EZH1: variants seen among roughly 807,000 people sequenced by gnomAD.
EZH1 encodes histone-lysine N-methyltransferase EZH1.
Under a neutral mutation model 100.5 loss-of-function variants are expected in EZH1, and 33 were observed. That is an observed-to-expected ratio of 0.33 (90% CI 0.25 to 0.44). The LOEUF (loss-of-function observed/expected upper bound fraction) is 0.44, where lower values mean the gene tolerates loss of function less well. EZH1 is among the 20% of genes least tolerant of loss of function. EZH1 has a pLI of 1.00. For missense variants in EZH1, 475 were observed against 928.4 expected (o/e 0.51, Z 6.35); for synonymous variants, 272 against 313.8 (o/e 0.87, Z 1.41).
chr17:42,708,155 C>A (rs776976618), intron 14 of EZH1, 72 bp from the exon 15 acceptor site: 62 of 1,511,628 alleles, frequency 4.1e-5, no homozygotes, highest in Non-Finnish European at 5.5e-5. Flanking sequence ...AAGTGTCCAG[C>A]TGCCCTGATT....
intron 4 of EZH1, among the ~76,000 whole-genome samples, chr17:42,725,227 C>G (rs1239891288): frequency 6.6e-6 from 1 of 151,976 alleles, no homozygotes; most frequent in Non-Finnish European, 1.5e-5. Context: ...GTAACATCAT[C>G]TCCTAAAAGG....
rs536850024 is a variant in EZH1 at position 42,710,716 on chromosome 17, A to G, written c.1402-779T>C. ...GTGCCATCATAGCTCAATGTAGTAT[A>G]GAACTCCTGGGCTCAAGCCATCTTC... is the stretch of plus-strand genomic sequence containing the variant. On this transcript the variant is annotated intron_variant, in intron 12 of 20. Transcript: ENST00000428826. Among the ~76,000 whole-genome samples, 239 of 149,080 alleles carry G rather than the reference A, an allele frequency of 1.6e-3. 1 individual carries two copies. The highest frequency in any genetic ancestry group is 5.6e-3 in the African/African-American group (225 of 40,442).
Position 42,702,487 on chromosome 17 carries a change from A to C in EZH1, c.*45T>G. ...CAGCAGTGGTGTGAGCACGAAAGCCAAGACAGTGCCGCTACCATAAGTGCT... is the reference window on the plus strand; with the variant it reads ...CAGCAGTGGTGTGAGCACGAAAGCCCAGACAGTGCCGCTACCATAAGTGCT... On this transcript the variant is annotated 3_prime_UTR_variant, in exon 21 of 21. Transcript: ENST00000428826. The C allele has an allele frequency of 6.6e-7, 1 of 1,504,460 alleles. No individual in the cohort carries two copies. Among genetic ancestry groups the C allele is most frequent in the Non-Finnish European group, 9.0e-7 (1 of 1,107,620 alleles). 93.2% of individuals were successfully genotyped at this position (1,504,460 alleles called of 1,614,324 possible).
intron 14 of EZH1, among the ~76,000 whole-genome samples, chr17:42,708,528 G>GCA: frequency 6.6e-6 from 1 of 152,170 alleles, no homozygotes; most frequent in Non-Finnish European, 1.5e-5. Context: ...GGTGGTACAT[G>GCA]CCTGTAATCC....
intron 1 of EZH1, among the ~76,000 whole-genome samples, chr17:42,736,824 C>T (rs1310690195): frequency 6.6e-6 from 1 of 151,818 alleles, no homozygotes; most frequent in Non-Finnish European, 1.5e-5. Flanking sequence ...GCACTCCAGC[C>T]TGGGGAACAG....
At chr17:42,727,061 G>C (rs959045806) in intron 4 of EZH1, among the ~76,000 whole-genome samples, 1 of 150,508 alleles carries the variant, frequency 6.6e-6, no homozygotes, top group Non-Finnish European at 1.5e-5. Flanking sequence ...TGTTGGCCAG[G>C]CTGGTCTCAA....
intron 3 of EZH1, 132 bp downstream of exon 3, chr17:42,728,693 G>A (rs1280376028): frequency 2.4e-6 from 2 of 842,522 alleles, no homozygotes; most frequent in Non-Finnish European, 3.5e-6. Flanking sequence ...AGTAAGCTGA[G>A]ATTACGCCAC....
chr17:42,710,630 T>TG (rs2053460174), intron 12 of EZH1, among the ~76,000 whole-genome samples: 4 of 135,842 alleles, frequency 2.9e-5, no homozygotes, highest in Admixed American at 7.4e-5. Context: ...TTTTTGTTTG[T>TG]TTTTTTTTTT....
At position 42,705,072 on chromosome 17, in the gene EZH1, A is replaced by G; in HGVS notation, c.1935+16T>C. The G allele has an allele frequency of 1.2e-6, 2 of 1,607,124 alleles. No individual in the cohort carries two copies. Among genetic ancestry groups the G allele is most frequent in the Non-Finnish European group, 1.7e-6 (2 of 1,174,248 alleles). On this transcript the variant is annotated intron_variant, in intron 17 of 20. Transcript: ENST00000428826. ...CTCCCCCGAGTAAGAATGTGGGCCA[A>G]AACTATAGCACTCACCTCACCACAG...
rs765391947 is a variant in EZH1, at chr17:42,713,366, C to T, written c.1047G>A (p.Met349Ile). 2 of 1,608,234 alleles carry T rather than the reference C, an allele frequency of 1.2e-6. No homozygotes were observed. The highest frequency in any genetic ancestry group is 1.7e-6 in the Non-Finnish European group (2 of 1,175,104). Residue 349 changes from methionine to isoleucine, a missense_variant, in exon 11 of 21, where the codon ATG (methionine) becomes ATA (isoleucine). By Grantham distance (10) the Met-to-Ile change is conservative (BLOSUM62 1). This residue lies in a region of EZH1 where 180 missense variants were observed against 295.3 expected (regional missense o/e 0.61). Coordinates refer to ENST00000428826, the MANE Select transcript of EZH1 (RefSeq NM_001991.5). The part of the protein sequence containing the change: ...LLLEGAKEYA[M>I]LHNPRSKCSG... ...AGCACTTGGAGCGGGGGTTGTGGAGCATGGCATACTCCTTTGCTCCTTCCT... is the reference window on the plus strand; with the variant it reads ...AGCACTTGGAGCGGGGGTTGTGGAGTATGGCATACTCCTTTGCTCCTTCCT...
chr17:42,729,804 C>A (rs572843127), intron 2 of EZH1, among the ~76,000 whole-genome samples: 22 of 149,632 alleles, frequency 1.5e-4, no homozygotes, highest in Non-Finnish European at 2.7e-4. Flanking sequence ...CTTTGGGAGG[C>A]CAAGGTGGGT....
intron 13 of EZH1, 22 bp from the exon 14 acceptor site, chr17:42,708,938 G>A (rs2053417996): frequency 6.2e-7 from 1 of 1,614,042 alleles, no homozygotes; most frequent in African/African-American, 1.3e-5. Context: ...AGGAAGGACA[G>A]GTCTCAGTCA....
In EZH1 at chr17:42,701,577, A is replaced by T. The variant is rs1405323995; in HGVS notation, c.*955T>A. ...TGTGCCCACCTACCCTGAAGCGATA[A>T]GCAACACTGGCCATTGGGCCTTGCC... is the stretch of plus-strand genomic sequence containing the variant. On this transcript the variant is annotated 3_prime_UTR_variant, in exon 21 of 21. Coordinates refer to ENST00000428826, the MANE Select transcript of EZH1 (RefSeq NM_001991.5). The T allele has an allele frequency of 2.1e-4, 32 of 152,860 alleles. No individual in the cohort carries two copies. Among genetic ancestry groups the T allele is most frequent in the Admixed American group, 2.1e-3 (32 of 15,288 alleles). 9.5% of individuals were successfully genotyped at this position (152,860 alleles called of 1,614,324 possible).
At position 42,707,534 on chromosome 17, in the gene EZH1, T is replaced by C. The variant is rs185166786; in HGVS notation, c.1660+424A>G. 2.9e-3 allele frequency among the ~76,000 whole-genome samples: 440 copies of C among 152,270 alleles called. 3 individuals carry two copies. The highest frequency in any genetic ancestry group is 0.01 in the African/African-American group (417 of 41,568). On this transcript the variant is annotated intron_variant, in intron 15 of 20. Transcript: ENST00000428826. ...CTTGGCCTTCCAAGTGCTGGGATTA[T>C]AGGCGTGAGCCACCACACCTGGCCT...
intron 12 of EZH1, among the ~76,000 whole-genome samples, chr17:42,710,587 T>C (rs896870393): frequency 2.0e-5 from 3 of 150,770 alleles, no homozygotes; most frequent in Non-Finnish European, 2.9e-5. Flanking sequence ...AGCTCCAAAA[T>C]GAAAGCAAAG....
chr17:42,723,235 C>T (rs188476995), intron 5 of EZH1, among the ~76,000 whole-genome samples: 41 of 152,128 alleles, frequency 2.7e-4, no homozygotes, highest in Admixed American at 9.8e-4. Flanking sequence ...ATTAGCTGGG[C>T]GTGGTGGCGC....
chr17:42,705,232 G>A lies in EZH1; in HGVS notation c.1840-49C>T, dbSNP rs768176804. ...CAGACTACAGGGTGTGCATGAGTAG[G>A]GGGTGTGTGCTGGATGTGCACATGT... On this transcript the variant is annotated intron_variant, in intron 16 of 20. Transcript: ENST00000428826. 7.3e-6 allele frequency: 8 copies of A among 1,101,840 alleles called. No individual in the cohort carries two copies. The South Asian group carries it at 1.0e-4, about 14-fold the overall frequency. The allele number at this position is 1,101,840 out of a possible 1,614,324, so 68.3% of individuals were successfully genotyped here.
intron 1 of EZH1, 111 bp from the exon 2 acceptor site, chr17:42,731,029 T>C (rs1378042106): frequency 3.3e-6 from 1 of 302,046 alleles, no homozygotes; most frequent in African/African-American, 2.3e-5. Context: ...AGGTTTCTCC[T>C]ACTATTTTTG....
At chr17:42,743,106 T>C (rs1184908196) in intron 1 of EZH1, among the ~76,000 whole-genome samples, 2 of 152,036 alleles carry the variant, frequency 1.3e-5, no homozygotes, top group Admixed American at 6.6e-5. Context: ...TGACCTCAAG[T>C]GATCCGCCTG....
Sources: allele counts gnomAD v4.1 joint callset (sites outside exome capture counted in the v4.1 genomes callset), GRCh38; gene constraint gnomAD v4.1.1; regional missense constraint gnomAD v4.1.1; transcripts MANE v1.5; gene names NCBI Gene and HGNC (gene_info 2026-07-23, HGNC 2026-07-21).